Variants in CHL1 observed in about 807,000 individuals in gnomAD.
CHL1 encodes cell adhesion molecule L1 like, also known as neural cell adhesion molecule L1-like protein.
In CHL1, 96 loss-of-function variants were observed where a neutral mutation model predicts 141.9. That is an observed-to-expected ratio of 0.68 (90% CI 0.57 to 0.80). The LOEUF is 0.80. Among genes scored for constraint, CHL1 ranks in the 30% least tolerant of loss-of-function variants. The probability of loss-of-function intolerance (pLI) is 0.00; values close to 1 mark genes in which losing one functional copy is unlikely to be tolerated. For synonymous variants in CHL1, 613 were observed against 502.2 expected, an observed-to-expected ratio of 1.22 and a Z score of -2.95; for missense variants, 1,820 against 1,457.2, an observed-to-expected ratio of 1.25 and a Z score of -4.05.
intron 27 of CHL1, among the ~76,000 whole-genome samples, chr3:404,044 G>A (rs182380290): frequency 5.1e-4 from 78 of 152,266 alleles, no homozygotes; most frequent in Non-Finnish European, 6.8e-4. Flanking sequence ...AACTCCAAAA[G>A]CATTTTCTTT....
intron 2 of CHL1, among the ~76,000 whole-genome samples, chr3:262,720 G>T (rs950863226): frequency 6.6e-6 from 1 of 152,230 alleles, no homozygotes; most frequent in Admixed American, 6.5e-5. Context: ...GAAGAATTTT[G>T]CTGTGTGCCA....
chr3:206,165 T>TAA (rs1388456500), intron 1 of CHL1, among the ~76,000 whole-genome samples: 1 of 152,272 alleles, frequency 6.6e-6, no homozygotes, highest in Admixed American at 6.5e-5. Context: ...ATGGTGGCAT[T>TAA]AAATATGAGG....
intron 2 of CHL1, among the ~76,000 whole-genome samples, chr3:302,467 G>T (rs966488299): frequency 6.6e-6 from 1 of 152,134 alleles, no homozygotes; most frequent in African/African-American, 2.4e-5. Flanking sequence ...ATCTCATTGT[G>T]GTTTTGATTT....
intron 15 of CHL1, among the ~76,000 whole-genome samples, chr3:372,884 G>A (rs1705820057): frequency 1.3e-5 from 2 of 151,658 alleles, no homozygotes; most frequent in African/African-American, 2.4e-5. Flanking sequence ...GCAGTTTGCT[G>A]GGGGTCCACT....
chr3:201,890 C>T (rs1698979497), intron 1 of CHL1, among the ~76,000 whole-genome samples: 1 of 152,186 alleles, frequency 6.6e-6, no homozygotes, highest in Non-Finnish European at 1.5e-5. Flanking sequence ...GTGCCATTTT[C>T]CTATACAACC....
intron 2 of CHL1, among the ~76,000 whole-genome samples, chr3:257,517 C>A (rs2125172476): frequency 6.6e-6 from 1 of 152,164 alleles, no homozygotes; most frequent in East Asian, 1.9e-4. Context: ...CCATGCCTGG[C>A]TAATTTTGCA....
At chr3:266,981 C>T (rs1359180829) in intron 2 of CHL1, among the ~76,000 whole-genome samples, 5 of 152,166 alleles carry the variant, frequency 3.3e-5, no homozygotes, top group Non-Finnish European at 7.3e-5. Flanking sequence ...TCACAAATCA[C>T]GTGTCAGCAC....
intron 1 of CHL1, among the ~76,000 whole-genome samples, chr3:217,174 A>C (rs1216906390): frequency 1.3e-5 from 2 of 152,232 alleles, no homozygotes; most frequent in East Asian, 3.9e-4. Context: ...AAAAAAGAAC[A>C]ATAACAGAAA....
chr3:235,153 CT>C (rs1559312023), intron 1 of CHL1, among the ~76,000 whole-genome samples: 1 of 152,040 alleles, frequency 6.6e-6, no homozygotes, highest in East Asian at 1.9e-4. Context: ...TCCCTCCCCC[CT>C]CTTTCTAAAC....
chr3:340,772 T>C, intron 5 of CHL1, 22 bp from the exon 6 acceptor site: 1 of 1,582,290 alleles, frequency 6.3e-7, no homozygotes, highest in South Asian at 1.1e-5. Flanking sequence ...AAATAACACA[T>C]TAAAATGATT....
intron 2 of CHL1, among the ~76,000 whole-genome samples, chr3:316,177 T>G (rs150380578): frequency 1.3e-5 from 2 of 152,214 alleles, no homozygotes; most frequent in African/African-American, 4.8e-5. Context: ...AGCCACCATT[T>G]TTGAACATGA....
chr3:236,504 C>T (rs1168752843), intron 1 of CHL1, among the ~76,000 whole-genome samples: 7 of 152,168 alleles, frequency 4.6e-5, no homozygotes, highest in Non-Finnish European at 7.3e-5. Context: ...TATGAATAAA[C>T]TATGCCTGCA....
At chr3:330,883 A>G (rs1171794377) in intron 5 of CHL1, among the ~76,000 whole-genome samples, 9 of 152,198 alleles carry the variant, frequency 5.9e-5, no homozygotes. Flanking sequence ...AAATCAGAAT[A>G]GCATAGTAAA....
intron 1 of CHL1, among the ~76,000 whole-genome samples, chr3:209,664 A>G (rs1699735018): frequency 2.0e-5 from 3 of 152,326 alleles, no homozygotes; most frequent in Admixed American, 2.0e-4. Context: ...TGCTGCACCC[A>G]TTAACTCGTC....
chr3:226,892 A>G (rs1701405872), intron 1 of CHL1, among the ~76,000 whole-genome samples: 1 of 152,224 alleles, frequency 6.6e-6, no homozygotes, highest in Admixed American at 6.5e-5. Flanking sequence ...GAGTTTTCAA[A>G]ACAGAATAAG....
intron 2 of CHL1, among the ~76,000 whole-genome samples, chr3:318,647 C>T (rs763125564): frequency 5.3e-5 from 8 of 151,150 alleles, no homozygotes; most frequent in African/African-American, 1.2e-4. Context: ...AAGCATCTTA[C>T]GCCTTTGTCT....
chr3:290,727 C>G (rs1232324711), intron 2 of CHL1, among the ~76,000 whole-genome samples: 1 of 151,962 alleles, frequency 6.6e-6, no homozygotes, highest in East Asian at 1.9e-4. Flanking sequence ...TTGCTGAGAA[C>G]ATCAGATGGC....
At chr3:304,515 AG>A (rs1300328026) in intron 2 of CHL1, among the ~76,000 whole-genome samples, 1 of 152,104 alleles carries the variant, frequency 6.6e-6, no homozygotes, top group African/African-American at 2.4e-5. Flanking sequence ...TAGATTTTCT[AG>A]TTTATTTGCA....
chr3:244,276 G>A (rs1224262789), intron 1 of CHL1, among the ~76,000 whole-genome samples: 2 of 152,176 alleles, frequency 1.3e-5, no homozygotes, highest in African/African-American at 2.4e-5. Flanking sequence ...CAGGAGAACC[G>A]CTATGTAGAA....
Sources: gnomAD v4.1 joint callset for allele counts (sites outside exome capture counted in the v4.1 genomes callset) on GRCh38, gnomAD v4.1.1 for gene constraint, MANE v1.5 for transcripts, NCBI Gene and HGNC (gene_info 2026-07-23, HGNC 2026-07-21) for gene names.